Variants in SOX5 observed in about 807,000 individuals in gnomAD.
SOX5 encodes the protein transcription factor SOX-5.
In SOX5, 9 loss-of-function variants were observed where a neutral mutation model predicts 92.0. That is an observed-to-expected ratio of 0.10 (90% CI 0.06 to 0.17). The LOEUF is 0.17. Among genes scored for constraint, SOX5 ranks in the 10% least tolerant of loss-of-function variants. SOX5 has a pLI of 1.00. For synonymous variants in SOX5, 344 were observed against 336.3 expected (o/e 1.02, Z -0.25); for missense variants, 642 against 944.5 (o/e 0.68, Z 4.20).
chr12:24,495,593 G>A (rs908798762), intron 1 of SOX5, among the ~76,000 whole-genome samples: 5 of 152,204 alleles, frequency 3.3e-5, no homozygotes, highest in South Asian at 4.1e-4. Flanking sequence ...ATGGTTTCTC[G>A]TAGGTCAGCC....
chr12:24,329,195 A>G (rs1282674216), intron 2 of SOX5, among the ~76,000 whole-genome samples: 1 of 152,182 alleles, frequency 6.6e-6, no homozygotes, highest in Non-Finnish European at 1.5e-5. Flanking sequence ...TTAGCATTAT[A>G]TATTAGTCTG....
intron 1 of SOX5, among the ~76,000 whole-genome samples, chr12:24,402,443 A>G (rs1398156047): frequency 6.6e-6 from 1 of 152,204 alleles, no homozygotes; most frequent in Non-Finnish European, 1.5e-5. Flanking sequence ...ACACCAACAT[A>G]GCCATTAATT....
chr12:23,616,780 T>C (rs917408352), intron 8 of SOX5, among the ~76,000 whole-genome samples: 1 of 152,024 alleles, frequency 6.6e-6, no homozygotes, highest in South Asian at 2.1e-4. Context: ...AGAAAATGAC[T>C]TGAGTGGACA....
chr12:23,840,875 A>G (rs1594942764), intron 3 of SOX5, among the ~76,000 whole-genome samples: 2 of 152,154 alleles, frequency 1.3e-5, no homozygotes, highest in Admixed American at 1.3e-4. Context: ...AAAATGAAAA[A>G]CTACACTAAC....
At chr12:24,139,977 T>A (rs753994313) in intron 4 of SOX5, among the ~76,000 whole-genome samples, 11 of 152,222 alleles carry the variant, frequency 7.2e-5, no homozygotes, top group Non-Finnish European at 1.3e-4. Context: ...ACCATTACTG[T>A]GGTGGTACAG....
At chr12:23,933,789 C>T (rs1439756595) in intron 1 of SOX5, among the ~76,000 whole-genome samples, 3 of 151,544 alleles carry the variant, frequency 2.0e-5, no homozygotes, top group African/African-American at 4.8e-5. Context: ...TCTCTGTATA[C>T]TCTTAAACCT....
At chr12:23,964,953 G>C (rs1358977187) in intron 4 of SOX5, among the ~76,000 whole-genome samples, 3 of 152,188 alleles carry the variant, frequency 2.0e-5, no homozygotes, top group Non-Finnish European at 4.4e-5. Context: ...CAGCCAGTAG[G>C]GGAGCAGACC....
chr12:23,560,201 G>A (rs532890183), intron 11 of SOX5, among the ~76,000 whole-genome samples: 54 of 152,262 alleles, frequency 3.5e-4, no homozygotes, highest in Middle Eastern at 3.4e-3. Flanking sequence ...TTGAGTCACC[G>A]TGCCTGGCCG....
At chr12:23,605,830 T>C (rs1049019412) in intron 8 of SOX5, among the ~76,000 whole-genome samples, 8 of 152,036 alleles carry the variant, frequency 5.3e-5, no homozygotes, top group African/African-American at 1.9e-4. Flanking sequence ...AAGTTATCGA[T>C]AAAAATTATG....
intron 4 of SOX5, among the ~76,000 whole-genome samples, chr12:23,748,283 T>C (rs2094063171): frequency 1.3e-5 from 2 of 152,058 alleles, no homozygotes; most frequent in African/African-American, 4.8e-5. Context: ...TATACAGATA[T>C]ATGACCATTT....
intron 10 of SOX5, among the ~76,000 whole-genome samples, chr12:23,567,143 CG>C (rs1947257776): frequency 6.6e-6 from 1 of 152,072 alleles, no homozygotes; most frequent in Non-Finnish European, 1.5e-5. Flanking sequence ...CATTCCTTGG[CG>C]GGCACAGAGG....
At chr12:24,499,199 G>A (rs976310092) in intron 1 of SOX5, among the ~76,000 whole-genome samples, 3 of 152,206 alleles carry the variant, frequency 2.0e-5, no homozygotes, top group African/African-American at 4.8e-5. Context: ...GGCATGGCCC[G>A]TGAAACCAGA....
chr12:24,311,205 G>A (rs190635722), intron 2 of SOX5, among the ~76,000 whole-genome samples: 5 of 152,222 alleles, frequency 3.3e-5, no homozygotes, highest in South Asian at 2.1e-4. Flanking sequence ...GCTGTAGTAC[G>A]CCCCACCCAG....
intron 9 of SOX5, among the ~76,000 whole-genome samples, chr12:23,580,051 T>G (rs1949824487): frequency 6.6e-6 from 1 of 152,066 alleles, no homozygotes; most frequent in Non-Finnish European, 1.5e-5. Flanking sequence ...AAATAAGCAT[T>G]TATGTTTAAG....
At chr12:24,246,508 T>C (rs767292350) in intron 3 of SOX5, among the ~76,000 whole-genome samples, 13 of 152,108 alleles carry the variant, frequency 8.5e-5, no homozygotes, top group Non-Finnish European at 1.5e-4. Context: ...TTTTTTTTTT[T>C]AATTCTGAAA....
intron 2 of SOX5, among the ~76,000 whole-genome samples, chr12:24,282,189 A>G (rs1254330901): frequency 2.0e-5 from 3 of 152,184 alleles, no homozygotes; most frequent in Non-Finnish European, 4.4e-5. Flanking sequence ...GAACACAAAG[A>G]AAAGGGATAA....
chr12:24,178,944 G>A (rs1437071411), intron 4 of SOX5, among the ~76,000 whole-genome samples: 2 of 152,086 alleles, frequency 1.3e-5, no homozygotes, highest in African/African-American at 2.4e-5. Flanking sequence ...ATTGGAGGAC[G>A]ATTTCAGTAT....
At chr12:24,240,934 A>G (rs1965448041) in intron 3 of SOX5, among the ~76,000 whole-genome samples, 1 of 152,244 alleles carries the variant, frequency 6.6e-6, no homozygotes, top group African/African-American at 2.4e-5. Flanking sequence ...TGTAACTCAA[A>G]TATTCACAGA....
At chr12:24,084,895 A>AAT (rs1204026676) in intron 4 of SOX5, among the ~76,000 whole-genome samples, 1 of 152,132 alleles carries the variant, frequency 6.6e-6, no homozygotes, top group Non-Finnish European at 1.5e-5. Context: ...AGCTTTATAT[A>AAT]ATAACAATGA....
Sources: gnomAD v4.1 joint callset for allele counts (sites outside exome capture counted in the v4.1 genomes callset) on GRCh38, gnomAD v4.1.1 for gene constraint, MANE v1.5 for transcripts, NCBI Gene and HGNC (gene_info 2026-07-23, HGNC 2026-07-21) for gene names.